Variants in WWOX observed in about 807,000 individuals in gnomAD.
The protein encoded by WWOX is WW domain-containing oxidoreductase.
Under a neutral mutation model 46.2 loss-of-function variants are expected in WWOX, and 69 were observed. The observed-to-expected ratio is 1.49, with a 90% CI of 1.23 to 1.82. WWOX has a LOEUF of 1.82. Among genes scored for constraint, WWOX ranks in the 40% most tolerant of loss-of-function variants. The pLI, the probability that WWOX is intolerant of heterozygous loss-of-function variation, is 0.00. For missense variants in WWOX, 919 were observed against 542.6 expected, an observed-to-expected ratio of 1.69 and a Z score of -6.89; for synonymous variants, 359 against 202.6, an observed-to-expected ratio of 1.77 and a Z score of -6.56.
chr16:78,730,327 T>C (rs1321855717), intron 8 of WWOX, among the ~76,000 whole-genome samples: 1 of 152,072 alleles, frequency 6.6e-6, no homozygotes, highest in Non-Finnish European at 1.5e-5. Context: ...CTCCTTCCTT[T>C]TCTTCCCATT....
At chr16:78,848,566 G>A (rs183639993) in intron 8 of WWOX, among the ~76,000 whole-genome samples, 1 of 152,158 alleles carries the variant, frequency 6.6e-6, no homozygotes, top group Non-Finnish European at 1.5e-5. Context: ...AGGGTACGGG[G>A]AACCTGGCCT....
intron 8 of WWOX, among the ~76,000 whole-genome samples, chr16:78,822,710 A>T (rs1239667216): frequency 2.6e-5 from 4 of 152,310 alleles, no homozygotes; most frequent in African/African-American, 9.6e-5. Flanking sequence ...ATGCAACATC[A>T]TCATTGTTGA....
intron 8 of WWOX, among the ~76,000 whole-genome samples, chr16:78,630,175 G>A (rs946608583): frequency 1.3e-5 from 2 of 152,198 alleles, no homozygotes; most frequent in African/African-American, 4.8e-5. Flanking sequence ...ATGATGGCGT[G>A]ATGATTGTGT....
chr16:78,886,256 C>T (rs551778134), intron 8 of WWOX, among the ~76,000 whole-genome samples: 71 of 150,726 alleles, frequency 4.7e-4, no homozygotes, highest in Admixed American at 6.6e-4. Flanking sequence ...ATACCCATAC[C>T]CATTGTACAC....
At chr16:78,968,018 ATC>A (rs1170699326) in intron 8 of WWOX, among the ~76,000 whole-genome samples, 1 of 152,258 alleles carries the variant, frequency 6.6e-6, no homozygotes, top group African/African-American at 2.4e-5. Context: ...TATGTGTTTA[ATC>A]TACCATTCCT....
intron 8 of WWOX, among the ~76,000 whole-genome samples, chr16:78,442,040 G>C (rs1393875283): frequency 2.0e-5 from 3 of 151,626 alleles, no homozygotes; most frequent in African/African-American, 7.3e-5. Context: ...AGGAGGCCAA[G>C]CTGGGAGGAT....
At chr16:79,178,778 A>T (rs1290195257) in intron 8 of WWOX, among the ~76,000 whole-genome samples, 1 of 152,236 alleles carries the variant, frequency 6.6e-6, no homozygotes, top group Non-Finnish European at 1.5e-5. Flanking sequence ...GACTAATTTT[A>T]TGACAGTTTC....
At chr16:78,626,803 C>G (rs1030447546) in intron 8 of WWOX, among the ~76,000 whole-genome samples, 1 of 152,076 alleles carries the variant, frequency 6.6e-6, no homozygotes, top group Non-Finnish European at 1.5e-5. Flanking sequence ...TTTATTTAAT[C>G]ATTTATTTAT....
chr16:78,951,428 G>C (rs889242717), intron 8 of WWOX, among the ~76,000 whole-genome samples: 1 of 152,108 alleles, frequency 6.6e-6, no homozygotes, highest in East Asian at 1.9e-4. Context: ...TTTCTGTCTG[G>C]ACCTGGAATA....
chr16:78,148,229 C>G (rs2034275965), intron 4 of WWOX, among the ~76,000 whole-genome samples: 1 of 152,140 alleles, frequency 6.6e-6, no homozygotes, highest in African/African-American at 2.4e-5. Context: ...ACCAGAAACA[C>G]TTTGGTTGTC....
At chr16:78,560,003 C>G (rs2044396105) in intron 8 of WWOX, among the ~76,000 whole-genome samples, 1 of 152,184 alleles carries the variant, frequency 6.6e-6, no homozygotes, top group South Asian at 2.1e-4. Flanking sequence ...TGTTATATTG[C>G]TTCAGAGAAA....
Position 78,786,891 on chromosome 16 carries a change from T to C in WWOX, c.1056+354139T>C, listed in dbSNP as rs192134032. ...GGCTGGGCGTGGTGACTCACGCCTGTAATCCCAACACTTTGGGAGGCTGAG... is the reference window on the plus strand; with the variant it reads ...GGCTGGGCGTGGTGACTCACGCCTGCAATCCCAACACTTTGGGAGGCTGAG... On this transcript the variant is annotated intron_variant, in intron 8 of 8. Transcript: ENST00000566780. Among the ~76,000 whole-genome samples, 185 of 152,360 alleles carry C rather than the reference T, an allele frequency of 1.2e-3. 1 individual carries two copies. The highest frequency in any genetic ancestry group is 0.01 in the Middle Eastern group (3 of 294).
chr16:78,844,106 C>G (rs952073699), intron 8 of WWOX, among the ~76,000 whole-genome samples: 2 of 152,050 alleles, frequency 1.3e-5, no homozygotes, highest in Non-Finnish European at 2.9e-5. Flanking sequence ...CGCTGGGTGC[C>G]TTGTAGACCG....
intron 8 of WWOX, among the ~76,000 whole-genome samples, chr16:79,142,826 G>T (rs918764639): frequency 1.3e-5 from 2 of 152,042 alleles, no homozygotes; most frequent in African/African-American, 2.4e-5. Context: ...AGTCTCCCAA[G>T]TAGCTGGGAC....
intron 8 of WWOX, among the ~76,000 whole-genome samples, chr16:78,558,423 T>C (rs1331558791): frequency 1.3e-5 from 2 of 152,250 alleles, no homozygotes; most frequent in East Asian, 3.8e-4. Context: ...ATTTCCTGCT[T>C]ATCTCGACAA....
At chr16:78,571,823 G>A (rs941651207) in intron 8 of WWOX, among the ~76,000 whole-genome samples, 6 of 152,174 alleles carry the variant, frequency 3.9e-5, no homozygotes, top group South Asian at 2.1e-4. Context: ...CTGAGATGTC[G>A]CCACTATACT....
At chr16:78,255,592 C>T (rs370735552) in intron 5 of WWOX, among the ~76,000 whole-genome samples, 1 of 151,980 alleles carries the variant, frequency 6.6e-6, no homozygotes, top group Non-Finnish European at 1.5e-5. Flanking sequence ...TTGGGGAAGG[C>T]GAGGCACAAA....
chr16:78,125,321 T>C (rs1300261612), intron 4 of WWOX, among the ~76,000 whole-genome samples: 1 of 152,096 alleles, frequency 6.6e-6, no homozygotes, highest in Non-Finnish European at 1.5e-5. Flanking sequence ...CAAAGGGTAA[T>C]TGAGTCTGTG....
intron 8 of WWOX, among the ~76,000 whole-genome samples, chr16:78,597,432 C>T (rs1029482317): frequency 3.9e-5 from 6 of 152,098 alleles, no homozygotes; most frequent in Admixed American, 1.3e-4. Context: ...CATCAGTGGG[C>T]GTTTTATGTT....
Sources: allele counts gnomAD v4.1 joint callset (sites outside exome capture counted in the v4.1 genomes callset), GRCh38; gene constraint gnomAD v4.1.1; transcripts MANE v1.5; gene names NCBI Gene and HGNC (gene_info 2026-07-23, HGNC 2026-07-21).